RGL1: variants seen among roughly 807,000 people sequenced by gnomAD.
The protein encoded by RGL1 is ral guanine nucleotide dissociation stimulator like 1.
In RGL1, 24 loss-of-function variants were observed where a neutral mutation model predicts 95.2. The ratio of observed to expected loss-of-function variants is 0.25; its 90% CI spans 0.18 to 0.35. The LOEUF is 0.35. RGL1 is among the 10% of genes least tolerant of loss of function. The probability of loss-of-function intolerance (pLI) is 1.00; values close to 1 mark genes in which losing one functional copy is unlikely to be tolerated. For missense variants in RGL1, 715 were observed against 936.3 expected (o/e 0.76, Z 3.08); for synonymous variants, 329 against 344.9 (o/e 0.95, Z 0.51).
Position 183,784,179 on chromosome 1 carries a change from C to T in RGL1, c.133-22196C>T, listed in dbSNP as rs572765644. On this transcript the variant is annotated intron_variant, in intron 2 of 18. Coordinates refer to the RGL1 transcript ENST00000304685. ...GGAACTGTGAGGAAGTCTAGGCTGG[C>T]AGACAAGGCATTAGAAGAGATGTGC... Among the ~76,000 whole-genome samples the T allele has an allele frequency of 4.6e-5, 7 of 152,234 alleles. 1 individual carries two copies. The highest frequency in any genetic ancestry group is 3.3e-4 in the Admixed American group (5 of 15,296).
chr1:183,666,010 T>A (rs898651444), intron 1 of RGL1, among the ~76,000 whole-genome samples: 1 of 148,942 alleles, frequency 6.7e-6, no homozygotes, highest in Admixed American at 6.6e-5. Context: ...TTTTTCTTTT[T>A]TTTTTTTTTT....
Position 183,843,029 on chromosome 1 carries a change from A to G in RGL1, c.139-4537A>G, listed in dbSNP as rs568289117. Among the ~76,000 whole-genome samples, 3 of 152,326 alleles carry G rather than the reference A, an allele frequency of 2.0e-5. No homozygotes were observed. In the South Asian group the frequency reaches 6.2e-4, roughly 32 times the overall value. On this transcript the variant is annotated intron_variant, in intron 2 of 17. Coordinates refer to ENST00000360851, the MANE Select transcript of RGL1 (RefSeq NM_001297671.3). ...GCAGATCATTTTAAGTTTTTGTTTC[A>G]TAAGAAATGTACTCTATTTGAATGT...
intron 1 of RGL1, among the ~76,000 whole-genome samples, chr1:183,727,157 A>C (rs1023525540): frequency 2.0e-5 from 3 of 152,202 alleles, no homozygotes; most frequent in African/African-American, 7.2e-5. Flanking sequence ...AACGTAATAC[A>C]TGATAATCAA....
intron 4 of RGL1, among the ~76,000 whole-genome samples, chr1:183,873,046 G>A (rs1666275091): frequency 6.6e-6 from 1 of 152,180 alleles, no homozygotes; most frequent in African/African-American, 2.4e-5. Context: ...CAAGTCATTA[G>A]CATTCTAAGT....
chr1:183,886,295 C>G (rs987560467), intron 7 of RGL1, among the ~76,000 whole-genome samples: 2 of 152,084 alleles, frequency 1.3e-5, no homozygotes, highest in African/African-American at 4.8e-5. Flanking sequence ...TTCTATTTCT[C>G]CTATTCTAAA....
chr1:183,875,261 A>G (rs887323398), intron 4 of RGL1, among the ~76,000 whole-genome samples: 1 of 152,242 alleles, frequency 6.6e-6, no homozygotes, highest in African/African-American at 2.4e-5. Context: ...TTCTTGGCTC[A>G]GAAGTTACAC....
intron 2 of RGL1, among the ~76,000 whole-genome samples, chr1:183,815,548 T>G (rs1457922782): frequency 6.6e-6 from 1 of 152,176 alleles, no homozygotes; most frequent in Admixed American, 6.5e-5. Context: ...TCCTGGCTGC[T>G]TTTCATTTTC....
rs1051622270 is a variant in RGL1 at position 183,892,097 on chromosome 1, A to G, written c.1076A>G (p.Glu359Gly). ...AVPRDRMLMFEELSDIFSDHN... is the reference protein window; with the variant it reads ...AVPRDRMLMFGELSDIFSDHN... ...CATAGGGACCGAATGCTGATGTTTG[A>G]AGAACTTTCAGATATCTTCTCAGAC... The change falls in exon 9 of 18, where the codon GAA becomes GGA. Residue 359 changes from glutamate (E) to glycine (G), a missense_variant. Physicochemically the swap from Glu to Gly is moderately conservative, Grantham distance 98. This residue lies in a region of RGL1 where 381 missense variants were observed against 484.8 expected (regional missense o/e 0.79). Coordinates refer to ENST00000360851, the MANE Select transcript of RGL1 (RefSeq NM_001297671.3). 6.2e-7 allele frequency: 1 copy of G among 1,612,604 alleles called. No individual in the cohort carries two copies. The highest frequency in any genetic ancestry group is 1.7e-5 in the Admixed American group (1 of 60,000).
intron 1 of RGL1, among the ~76,000 whole-genome samples, chr1:183,642,882 C>T (rs1331012820): frequency 1.3e-5 from 2 of 152,132 alleles, no homozygotes; most frequent in South Asian, 2.1e-4. Flanking sequence ...CAACTATTAC[C>T]AACATCCATC....
At chr1:183,734,660 T>A (rs1656822380) in intron 1 of RGL1, among the ~76,000 whole-genome samples, 1 of 152,242 alleles carries the variant, frequency 6.6e-6, no homozygotes, top group African/African-American at 2.4e-5. Flanking sequence ...TTAAAGCTGG[T>A]GTTTACAGAA....
At chr1:183,674,490 G>A (rs12024683) in intron 1 of RGL1, among the ~76,000 whole-genome samples, 10,854 of 152,136 alleles carry the variant, frequency 0.071, 662 homozygotes, top group African/African-American at 0.17. Context: ...TTTTTACTCT[G>A]AGACCTTGGA....
intron 4 of RGL1, 23 bp downstream of exon 4, chr1:183,866,096 T>C (rs778627512): frequency 6.4e-7 from 1 of 1,552,818 alleles, no homozygotes; most frequent in Non-Finnish European, 8.9e-7. Context: ...TTTCTTTGCA[T>C]TCTAAGCTCT....
In RGL1 at chr1:183,863,764, C is replaced by T. The variant is rs141206543; in HGVS notation, c.348-2232C>T. On this transcript the variant is annotated intron_variant, in intron 3 of 17. Coordinates refer to ENST00000360851, the MANE Select transcript of RGL1 (RefSeq NM_001297671.3). ...AAGATTTGAGCCTCAGCAACTGGAT[C>T]GTGTGCTCTGCCACACACTCCTTTT... Among the ~76,000 whole-genome samples, 136 of 152,288 alleles carry T rather than the reference C, an allele frequency of 8.9e-4. 1 individual carries two copies. In the East Asian group the frequency reaches 0.019, roughly 21 times the overall value.
chr1:183,653,056 T>C (rs1650883238), intron 1 of RGL1: 1 of 152,248 alleles, frequency 6.6e-6, no homozygotes, highest in South Asian at 2.1e-4. Flanking sequence ...AAACAAATGT[T>C]AGCAGTTATA....
rs756729049 is a variant in RGL1 at position 183,742,301 on chromosome 1, C to T, written c.132+12C>T. On this transcript the variant is annotated intron_variant, in intron 2 of 18. Coordinates refer to the RGL1 transcript ENST00000304685. ...TAAAGACAGAGGAGGTAAGATGACT[C>T]TAAATGACACAGTTGGTGAAATGTT... is the stretch of plus-strand genomic sequence containing the variant. 13 of 1,613,668 alleles carry T rather than the reference C, an allele frequency of 8.1e-6. No homozygotes were observed. In the African/African-American group the frequency reaches 1.3e-4, roughly 17 times the overall value.
chr1:183,658,255 C>T (rs565373602), intron 1 of RGL1, among the ~76,000 whole-genome samples: 10 of 152,288 alleles, frequency 6.6e-5, no homozygotes, highest in African/African-American at 1.7e-4. Context: ...CAGGGCGAGG[C>T]ATTGCCTCAC....
chr1:183,814,059 T>C (rs1661910957), intron 2 of RGL1, among the ~76,000 whole-genome samples: 1 of 152,232 alleles, frequency 6.6e-6, no homozygotes, highest in Non-Finnish European at 1.5e-5. Flanking sequence ...TGAGATTGTT[T>C]GATTGACTTT....
chr1:183,692,911 T>C (rs904823518), intron 1 of RGL1, among the ~76,000 whole-genome samples: 16 of 152,030 alleles, frequency 1.1e-4, no homozygotes, highest in Non-Finnish European at 1.9e-4. Flanking sequence ...AACTATACGA[T>C]AATTGTTTTT....
At chr1:183,785,008 T>G (rs1048152759) in intron 2 of RGL1, among the ~76,000 whole-genome samples, 2 of 152,236 alleles carry the variant, frequency 1.3e-5, no homozygotes, top group African/African-American at 4.8e-5. Flanking sequence ...TCTTTTCATG[T>G]GGCTTCTGGA....
Sources: gnomAD v4.1 joint callset for allele counts (sites outside exome capture counted in the v4.1 genomes callset) on GRCh38, gnomAD v4.1.1 for gene constraint, gnomAD v4.1.1 regional missense constraint, MANE v1.5 for transcripts, NCBI Gene and HGNC (gene_info 2026-07-23, HGNC 2026-07-21) for gene names.